SLC19A2: variants seen among roughly 807,000 people sequenced by gnomAD.
The protein encoded by SLC19A2 is thiamine transporter 1.
Under a neutral mutation model 44.7 loss-of-function variants are expected in SLC19A2, and 27 were observed. That is an observed-to-expected ratio of 0.60 (90% CI 0.45 to 0.83). The LOEUF is 0.83. Ranked by LOEUF, SLC19A2 falls within the 40% of genes least tolerant of loss-of-function variation. The probability of loss-of-function intolerance (pLI) is 0.00; values close to 1 mark genes in which losing one functional copy is unlikely to be tolerated. For missense variants in SLC19A2, 566 were observed against 613.7 expected (o/e 0.92, Z 0.82); for synonymous variants, 239 against 243.6 (o/e 0.98, Z 0.18).
chr1:169,477,751 T>C lies in SLC19A2; in HGVS notation c.211A>G (p.Asn71Asp). 2.5e-6 allele frequency: 4 copies of C among 1,610,236 alleles called. No individual in the cohort carries two copies. Among genetic ancestry groups the C allele is most frequent in the Non-Finnish European group, 3.4e-6 (4 of 1,178,646 alleles). The change falls in exon 2 of 6, where the codon AAT becomes GAT. Residue 71 changes from asparagine to aspartate, a missense_variant. Physicochemically the swap from Asn to Asp is conservative, Grantham distance 23 (BLOSUM62 1). Coordinates refer to ENST00000236137, the MANE Select transcript of SLC19A2 (RefSeq NM_006996.3). ...DKNLTEREVF[N>D]EIYPVWTYSY... ...TAAGTCCATACTGGATAAATTTCAT[T>C]GAAGACCTGGTAGAAAGAGAAAAAA...
intron 2 of SLC19A2, among the ~76,000 whole-genome samples, chr1:169,476,307 GAT>G (rs542429431): frequency 1.1e-3 from 168 of 152,292 alleles, no homozygotes; most frequent in African/African-American, 3.5e-3. Flanking sequence ...GTCCTCTTGT[GAT>G]CTCTTCGTCT....
At chr1:169,466,815 C>A (rs1464491685) in intron 5 of SLC19A2, among the ~76,000 whole-genome samples, 1 of 151,718 alleles carries the variant, frequency 6.6e-6, no homozygotes, top group Non-Finnish European at 1.5e-5. Flanking sequence ...TAGTTTGCGG[C>A]GGATGATGCC....
intron 2 of SLC19A2, 135 bp from the exon 3 acceptor site, chr1:169,470,321 C>G: frequency 1.3e-6 from 1 of 776,670 alleles, no homozygotes; most frequent in South Asian, 1.5e-5. Flanking sequence ...AACTTATTAA[C>G]AAATACATTT....
intron 1 of SLC19A2, among the ~76,000 whole-genome samples, chr1:169,481,768 C>A (rs1658449411): frequency 1.3e-5 from 2 of 152,170 alleles, no homozygotes; most frequent in Admixed American, 1.3e-4. Context: ...TCTTGAGCTA[C>A]AAAGTCAAGG....
intron 1 of SLC19A2, among the ~76,000 whole-genome samples, chr1:169,478,320 A>G (rs1271914870): frequency 6.6e-6 from 1 of 151,092 alleles, no homozygotes; most frequent in African/African-American, 2.4e-5. Context: ...AAGTACTTGT[A>G]TTACAACATT....
At chr1:169,479,836 T>A (rs910997906) in intron 1 of SLC19A2, among the ~76,000 whole-genome samples, 3 of 152,252 alleles carry the variant, frequency 2.0e-5, no homozygotes, top group Admixed American at 6.5e-5. Flanking sequence ...TTTCTTTTTA[T>A]CTTTCCTGTA....
chr1:169,477,091 G>GT (rs1472959118), intron 2 of SLC19A2, 64 bp downstream of exon 2: 4 of 1,597,456 alleles, frequency 2.5e-6, no homozygotes, highest in East Asian at 2.2e-5. Flanking sequence ...GGAGTTTGCT[G>GT]TTTTTTTCAC....
intron 5 of SLC19A2, among the ~76,000 whole-genome samples, chr1:169,466,480 T>G (rs898551526): frequency 6.6e-6 from 1 of 152,124 alleles, no homozygotes; most frequent in African/African-American, 2.4e-5. Context: ...AGGTCAACTA[T>G]ATTCCATTAC....
chr1:169,473,140 A>G (rs1208667976), intron 2 of SLC19A2, among the ~76,000 whole-genome samples: 2 of 152,194 alleles, frequency 1.3e-5, no homozygotes, highest in Non-Finnish European at 2.9e-5. Context: ...TGTTTTATAA[A>G]TTTAAAAATC....
chr1:169,466,073 A>C, intron 5 of SLC19A2, 96 bp from the exon 6 acceptor site: 2 of 1,441,224 alleles, frequency 1.4e-6, no homozygotes, highest in Non-Finnish European at 1.9e-6. Flanking sequence ...GCCTCAAAAA[A>C]TATTGCATAC....
intron 2 of SLC19A2, among the ~76,000 whole-genome samples, chr1:169,471,725 C>A (rs1658188823): frequency 6.9e-6 from 1 of 145,450 alleles, no homozygotes; most frequent in African/African-American, 2.6e-5. Flanking sequence ...CCATATATAT[C>A]ATTTTTATAA....
In SLC19A2 at chr1:169,468,179, C is replaced by T; in HGVS notation, c.1297G>A (p.Ala433Thr). The change falls in exon 5 of 6, where the codon GCA becomes ACA. Residue 433 changes from alanine to threonine, a missense_variant. Physicochemically the swap from Ala to Thr is moderately conservative, Grantham distance 58. Coordinates refer to ENST00000236137, the MANE Select transcript of SLC19A2 (RefSeq NM_006996.3). Reference sequence around the variant, plus strand: ...ATTAGAGTGAGCAGCGTCTGCAGTGCCAGGGCAATGAAGGTATTTACACCA... The same window carrying T: ...ATTAGAGTGAGCAGCGTCTGCAGTGTCAGGGCAATGAAGGTATTTACACCA... ...VFGVNTFIAL[A>T]LQTLLTLIVV... 6.2e-7 allele frequency: 1 copy of T among 1,613,874 alleles called. No homozygotes were observed. Among genetic ancestry groups the T allele is most frequent in the Non-Finnish European group, 8.5e-7 (1 of 1,179,832 alleles).
intron 2 of SLC19A2, among the ~76,000 whole-genome samples, chr1:169,472,855 T>G (rs550926872): frequency 6.6e-6 from 1 of 152,390 alleles, no homozygotes; most frequent in East Asian, 1.9e-4. Flanking sequence ...TTACCTTTTA[T>G]GTTTCTTGTT....
In SLC19A2 at chr1:169,477,561, G is replaced by A. The variant is rs1482854526; in HGVS notation, c.401C>T (p.Ala134Val). 1 of 1,614,014 alleles carries A rather than the reference G, an allele frequency of 6.2e-7. No individual in the cohort carries two copies. The highest frequency in any genetic ancestry group is 1.3e-5 in the African/African-American group (1 of 74,886). ...IQFLEFFYGI[A>V]TATEIAYYSY... ...GTAATAGGCAATTTCAGTGGCTGTG[G>A]CGATGCCATAAAAAAATTCTAGAAA... Residue 134 changes from alanine (A) to valine (V), a missense_variant, in exon 2 of 6, where the codon GCC becomes GTC. Physicochemically the swap from Ala to Val is moderately conservative, Grantham distance 64. Transcript: ENST00000236137.
In SLC19A2 at chr1:169,468,624, C is replaced by G. The variant is rs772619174; in HGVS notation, c.1223+20G>C. 4 of 1,608,920 alleles carry G rather than the reference C, an allele frequency of 2.5e-6. No individual in the cohort carries two copies. Among genetic ancestry groups the G allele is most frequent in the Non-Finnish European group, 3.4e-6 (4 of 1,175,936 alleles). On this transcript the variant is annotated intron_variant, in intron 4 of 5. Coordinates refer to ENST00000236137, the MANE Select transcript of SLC19A2 (RefSeq NM_006996.3). ...CCTGTTACAATTTTTCCTAAGGCTT[C>G]TATGAGCCAAAATACATACGTTGCT...
At chr1:169,482,209 A>G (rs766120853) in intron 1 of SLC19A2, among the ~76,000 whole-genome samples, 2 of 151,520 alleles carry the variant, frequency 1.3e-5, no homozygotes, top group Admixed American at 1.3e-4. Context: ...CTCAAAAAAT[A>G]AAAATTAAAA....
chr1:169,469,019 G>C, intron 3 of SLC19A2, 183 bp from the exon 4 acceptor site: 1 of 601,820 alleles, frequency 1.7e-6, no homozygotes, highest in Non-Finnish European at 2.9e-6. Flanking sequence ...CAATAAAATG[G>C]AGCCACTGAG....
At position 169,485,849 on chromosome 1, in the gene SLC19A2, C is replaced by A; in HGVS notation, c.-83G>T. On this transcript the variant is annotated 5_prime_UTR_variant, in exon 1 of 6. Coordinates refer to ENST00000236137, the MANE Select transcript of SLC19A2 (RefSeq NM_006996.3). ...TGGAGTGAGGGTCAGGCACTTGTAA[C>A]CGCGAGTGACGCCTTCTCCCTGTAA... The A allele has an allele frequency of 1.3e-5, 18 of 1,399,336 alleles. No individual in the cohort carries two copies. Among genetic ancestry groups the A allele is most frequent in the Non-Finnish European group, 1.5e-5 (16 of 1,054,386 alleles). 86.7% of individuals were successfully genotyped at this position (1,399,336 alleles called of 1,614,324 possible).
chr1:169,471,427 C>A (rs1658174116), intron 2 of SLC19A2, among the ~76,000 whole-genome samples: 1 of 150,184 alleles, frequency 6.7e-6, no homozygotes, highest in South Asian at 2.1e-4. Context: ...CCCAGAAGTT[C>A]AAGATCAAGC....
Sources: allele counts gnomAD v4.1 joint callset (sites outside exome capture counted in the v4.1 genomes callset), GRCh38; gene constraint gnomAD v4.1.1; transcripts MANE v1.5; gene names NCBI Gene and HGNC (gene_info 2026-07-23, HGNC 2026-07-21).